The following GFOD1 variants were observed in gnomAD, a reference collection of about 807,000 sequenced individuals.
GFOD1 encodes glucose-fructose oxidoreductase domain-containing protein 1.
GFOD1 carries 9 observed loss-of-function variants against 25.4 expected under a neutral mutation model. The ratio of observed to expected loss-of-function variants is 0.35; its 90% CI spans 0.21 to 0.62. The LOEUF is 0.62. GFOD1 is among the 20% of genes least tolerant of loss of function. GFOD1 has a pLI of 0.72. For synonymous variants in GFOD1, 253 were observed against 245.6 expected (o/e 1.03, Z -0.28); for missense variants, 403 against 556.9 (o/e 0.72, Z 2.78).
At chr6:13,414,106 G>C (rs557891820) in intron 1 of GFOD1, among the ~76,000 whole-genome samples, 1 of 152,348 alleles carries the variant, frequency 6.6e-6, no homozygotes, top group South Asian at 2.1e-4. Flanking sequence ...TTAGTAGGCT[G>C]CCTCTTCAGC....
chr6:13,469,924 C>A (rs1758455128), intron 1 of GFOD1: 1 of 1,303,286 alleles, frequency 7.7e-7, no homozygotes, highest in Non-Finnish European at 1.0e-6. Flanking sequence ...ATGCTAGTTT[C>A]TCTTCTCTTT....
intron 1 of GFOD1, among the ~76,000 whole-genome samples, chr6:13,366,175 T>C (rs1479086187): frequency 6.6e-6 from 1 of 152,172 alleles, no homozygotes; most frequent in East Asian, 1.9e-4. Flanking sequence ...ATTACTTAAT[T>C]TGTTGTTTTT....
intron 1 of GFOD1, among the ~76,000 whole-genome samples, chr6:13,473,622 T>C (rs922244380): frequency 1.3e-5 from 2 of 152,264 alleles, no homozygotes; most frequent in East Asian, 3.8e-4. Context: ...CTAACTTTGC[T>C]CTAGCAGGTC....
intron 1 of GFOD1, among the ~76,000 whole-genome samples, chr6:13,419,125 C>T (rs1260136020): frequency 6.6e-6 from 1 of 152,156 alleles, no homozygotes; most frequent in African/African-American, 2.4e-5. Flanking sequence ...TCCAGGTTGC[C>T]ATATTGGACT....
chr6:13,483,180 G>C (rs943295865), intron 1 of GFOD1, among the ~76,000 whole-genome samples: 1 of 152,036 alleles, frequency 6.6e-6, no homozygotes, highest in African/African-American at 2.4e-5. Flanking sequence ...GCAAGATGGG[G>C]GCACACAGTG....
intron 1 of GFOD1, among the ~76,000 whole-genome samples, chr6:13,413,580 G>A (rs1454859109): frequency 6.6e-6 from 1 of 152,190 alleles, no homozygotes; most frequent in Non-Finnish European, 1.5e-5. Flanking sequence ...CCCAAGGTAA[G>A]CCAAGAGTGA....
Position 13,359,898 on chromosome 6 carries a change from A to T in GFOD1, c.*4845T>A, listed in dbSNP as rs1194467948. The stretch of plus-strand genomic sequence containing the variant: ...GGAGGCGGTGTTGCAGTGAGCTGAG[A>T]TCACGCCATTGCACTCCAGCCTGGG... On this transcript the variant is annotated 3_prime_UTR_variant, in exon 2 of 2. Coordinates refer to ENST00000379287, the MANE Select transcript of GFOD1 (RefSeq NM_018988.4). 2 of 151,198 alleles carry T rather than the reference A, an allele frequency of 1.3e-5. No individual in the cohort carries two copies. The highest frequency in any genetic ancestry group is 1.5e-5 in the Non-Finnish European group (1 of 68,098). The allele number at this position is 151,198 out of a possible 1,614,324, so 9.4% of individuals were successfully genotyped here.
rs2127553215 is a variant in GFOD1 at position 13,359,948 on chromosome 6, A to C, written c.*4795T>G. ...GTGACAGAGTAAGACTCTGTCTCAA[A>C]AAAAAAAAAAAAAGGATTTCCAGAT... On this transcript the variant is annotated 3_prime_UTR_variant, in exon 2 of 2. Transcript: ENST00000379287. 1 of 151,014 alleles carries C rather than the reference A, an allele frequency of 6.6e-6. No homozygotes were observed. The highest frequency in any genetic ancestry group is 2.1e-4 in the South Asian group (1 of 4,810). 9.4% of individuals were successfully genotyped at this position (151,014 alleles called of 1,614,324 possible).
intron 1 of GFOD1, among the ~76,000 whole-genome samples, chr6:13,428,752 A>T (rs558082605): frequency 1.6e-4 from 24 of 152,182 alleles, no homozygotes; most frequent in Admixed American, 1.4e-3. Context: ...TTCTGCGGCC[A>T]CTCTCAAACT....
chr6:13,468,689 C>A (rs1025125623), intron 1 of GFOD1, among the ~76,000 whole-genome samples: 1 of 152,108 alleles, frequency 6.6e-6, no homozygotes, highest in Non-Finnish European at 1.5e-5. Context: ...CTTGGTTTCC[C>A]CTGGGTGTTA....
chr6:13,457,293 T>C (rs1234566195), intron 1 of GFOD1, among the ~76,000 whole-genome samples: 1 of 152,212 alleles, frequency 6.6e-6, no homozygotes, highest in Non-Finnish European at 1.5e-5. Flanking sequence ...TAGAAAGTTC[T>C]ACAATATCCC....
intron 1 of GFOD1, among the ~76,000 whole-genome samples, chr6:13,409,164 A>AAGAAAGAG (rs1377465751): frequency 2.3e-5 from 1 of 44,004 alleles, no homozygotes; most frequent in Non-Finnish European, 4.1e-5. Flanking sequence ...GAAAGAAAGA[A>AAGAAAGAG]AGGAAAGAGA....
At chr6:13,405,898 C>T (rs1785935347) in intron 1 of GFOD1, among the ~76,000 whole-genome samples, 1 of 152,152 alleles carries the variant, frequency 6.6e-6, no homozygotes, top group African/African-American at 2.4e-5. Flanking sequence ...CTGAGAGATA[C>T]TCGCAAGCCC....
chr6:13,421,438 G>A lies in GFOD1; in HGVS notation c.254-55776C>T, dbSNP rs1015018131. The stretch of plus-strand genomic sequence containing the variant: ...GAGCCCAGGAGATCAAAGCTGCAGT[G>A]AGCTGTGATCACACCACTGCACTCC... On this transcript the variant is annotated intron_variant, in intron 1 of 1. Transcript: ENST00000379287. Among the ~76,000 whole-genome samples, 7 of 152,204 alleles carry A rather than the reference G, an allele frequency of 4.6e-5. No individual in the cohort carries two copies. In the South Asian group the frequency reaches 1.5e-3, roughly 32 times the overall value.
intron 1 of GFOD1, among the ~76,000 whole-genome samples, chr6:13,380,975 C>A (rs572199082): frequency 1.8e-4 from 27 of 152,190 alleles, no homozygotes; most frequent in Non-Finnish European, 3.4e-4. Context: ...CCTCCTACAA[C>A]CTCTTATCTC....
rs879779509 is a variant in GFOD1, at chr6:13,409,088, GGAAAGAAAGAAA to G, written c.254-43438_254-43427del. On this transcript the variant is annotated intron_variant, in intron 1 of 1. Coordinates refer to ENST00000379287, the MANE Select transcript of GFOD1 (RefSeq NM_018988.4). ...TGACAGAGTGAGACTCCATCAGAAAGGAAAGAAAGAAAGAAAGAAAGAAAGAAAGAAAGAAAG... is the reference window on the plus strand; with the variant it reads ...TGACAGAGTGAGACTCCATCAGAAAGGAAAGAAAGAAAGAAAGAAAGAAAG... Among the ~76,000 whole-genome samples, 299 of 36,718 alleles carry G rather than the reference GGAAAGAAAGAAA, an allele frequency of 8.1e-3. 7 individuals are homozygous for G. The highest frequency in any genetic ancestry group is 0.029 in the African/African-American group (295 of 10,142). The allele number at this position is 36,718 out of a possible 152,430, so 24.1% of individuals were successfully genotyped here. A position where few individuals can be genotyped will look rare whatever the true frequency, so the allele number is the denominator to read the frequency against.
chr6:13,473,481 C>T (rs1352447560), intron 1 of GFOD1, among the ~76,000 whole-genome samples: 2 of 152,368 alleles, frequency 1.3e-5, no homozygotes, highest in East Asian at 3.9e-4. Context: ...AGCTGTTTGC[C>T]TTGACTGACC....
chr6:13,470,012 T>C (rs374589774), intron 1 of GFOD1: 5 of 1,348,038 alleles, frequency 3.7e-6, no homozygotes, highest in Non-Finnish European at 4.9e-6. Context: ...CCTTTGACCT[T>C]TTCTAACTCC....
chr6:13,446,269 A>G (rs1266915269), intron 1 of GFOD1, among the ~76,000 whole-genome samples: 1 of 152,172 alleles, frequency 6.6e-6, no homozygotes, highest in East Asian at 1.9e-4. Flanking sequence ...AAACCTCCAA[A>G]CACAGGCCTG....
Sources: allele counts gnomAD v4.1 joint callset (sites outside exome capture counted in the v4.1 genomes callset), GRCh38; gene constraint gnomAD v4.1.1; transcripts MANE v1.5; gene names NCBI Gene and HGNC (gene_info 2026-07-23, HGNC 2026-07-21).